The following OGT variants were observed in gnomAD, a reference collection of about 807,000 sequenced individuals.
OGT encodes O-linked N-acetylglucosamine (GlcNAc) transferase.
OGT carries 3 observed loss-of-function variants against 75.8 expected under a neutral mutation model. That is an observed-to-expected ratio of 0.04 (90% CI 0.02 to 0.10). OGT has a LOEUF of 0.10. Ranked by LOEUF, OGT falls within the 10% of genes least tolerant of loss-of-function variation. The pLI is 1.00. For missense variants in OGT, 260 were observed against 824.4 expected (o/e 0.32, Z 8.38); for synonymous variants, 257 against 289.7 (o/e 0.89, Z 1.15).
chrX:71,533,669 C>T (rs780434117), intron 1 of OGT, among the ~76,000 whole-genome samples: 1 of 111,348 alleles, frequency 9.0e-6, no homozygotes, highest in South Asian at 3.8e-4. Context: ...GGAATCCCTG[C>T]CCTTTCACTC....
At chrX:71,572,304 GA>G (rs1216872818) in intron 21 of OGT, among the ~76,000 whole-genome samples, 2 of 111,976 alleles carry the variant, frequency 1.8e-5, no homozygotes, top group Non-Finnish European at 3.8e-5. Context: ...TTCTTTTGCT[GA>G]GTAGTATTTC....
chrX:71,533,138 A>T lies in OGT; in HGVS notation c.-162A>T. 1 of 489,755 alleles carries T rather than the reference A, an allele frequency of 2.0e-6. No individual in the cohort carries two copies. The highest frequency in any genetic ancestry group is 3.6e-6 in the Non-Finnish European group (1 of 279,230). The allele number at this position is 489,755 out of a possible 1,213,427, so 40.4% of individuals were successfully genotyped here. A position where few individuals can be genotyped will look rare whatever the true frequency, so the allele number is the denominator to read the frequency against. The stretch of plus-strand genomic sequence containing the variant: ...CCGTACTAGGTAGATGGTCAATTAG[A>T]GTTCCCAGGGTTTGAAGCCTGTAAC... On this transcript the variant is annotated 5_prime_UTR_variant, in exon 1 of 22. Transcript: ENST00000373719.
chrX:71,533,379 T>C, intron 1 of OGT, 43 bp downstream of exon 1: 1 of 1,106,667 alleles, frequency 9.0e-7, no homozygotes, highest in African/African-American at 1.8e-5. Flanking sequence ...CCCCTTGGGG[T>C]CTCGCGCCGT....
intron 19 of OGT, among the ~76,000 whole-genome samples, chrX:71,566,459 C>T (rs1189716905): frequency 8.9e-6 from 1 of 111,858 alleles, no homozygotes. Flanking sequence ...TGTCCTTCTT[C>T]GCGTGATGGC....
intron 15 of OGT, 26 bp downstream of exon 15, chrX:71,561,926 A>G (rs983767784): frequency 6.0e-6 from 7 of 1,159,983 alleles, no homozygotes; most frequent in Admixed American, 5.1e-5. Flanking sequence ...GTCATCACTT[A>G]TAACATGTAT....
intron 5 of OGT, among the ~76,000 whole-genome samples, chrX:71,552,080 G>C (rs1171584413): frequency 9.2e-6 from 1 of 108,553 alleles, no homozygotes; most frequent in African/African-American, 3.3e-5. Context: ...AGCTGGGTGC[G>C]GTGCGGTGGC....
chrX:71,552,602 C>T (rs1324792479), intron 5 of OGT, among the ~76,000 whole-genome samples: 1 of 110,231 alleles, frequency 9.1e-6, no homozygotes, highest in African/African-American at 3.3e-5. Flanking sequence ...GTTCCCAGGT[C>T]TTGAACTCCT....
chrX:71,535,530 G>A (rs1181905506), intron 1 of OGT, among the ~76,000 whole-genome samples: 2 of 112,023 alleles, frequency 1.8e-5, no homozygotes, highest in Admixed American at 9.5e-5. Context: ...CAAACATCTT[G>A]TTTATCAGCT....
In OGT at chrX:71,556,670, CT is replaced by C. The variant is rs767550162; in HGVS notation, c.1066-9del. On this transcript the variant is annotated splice_polypyrimidine_tract_variant and intron_variant, in intron 8 of 21. Transcript: ENST00000373719. ...TTTTTAACCTCAGTTCTGATCTTGA[CT>C]CTTTATAGGTCTTCCCAGAGTTTGC... 6.2e-6 allele frequency: 7 copies of C among 1,125,732 alleles called. No homozygotes were observed. In the East Asian group the frequency reaches 2.2e-4, roughly 35 times the overall value. The allele number at this position is 1,125,732 out of a possible 1,213,427, so 92.8% of individuals were successfully genotyped here. A position where few individuals can be genotyped will look rare whatever the true frequency, so the allele number is the denominator to read the frequency against.
At chrX:71,536,106 A>AT (rs2040173795) in intron 1 of OGT, 72 bp from the exon 2 acceptor site, 3 of 946,567 alleles carry the variant, frequency 3.2e-6, no homozygotes, top group South Asian at 2.6e-5. Flanking sequence ...ATATTTTTAC[A>AT]TTTTTTTGGT....
rs975517458 is a variant in OGT at position 71,559,532 on chromosome X, T to C, written c.1762-56T>C. 3.9e-5 allele frequency: 45 copies of C among 1,160,371 alleles called. 1 individual carries two copies. In the Middle Eastern group the frequency reaches 3.3e-3, roughly 85 times the overall value. On this transcript the variant is annotated intron_variant, in intron 13 of 21. Transcript: ENST00000373719. ...GAAACCTAGTGTCTTTTGGAAAGATTTGAGCCAGAAAGATTTGAGCCAATG... is the reference window on the plus strand; with the variant it reads ...GAAACCTAGTGTCTTTTGGAAAGATCTGAGCCAGAAAGATTTGAGCCAATG...
At chrX:71,552,119 G>A (rs1434174066) in intron 5 of OGT, among the ~76,000 whole-genome samples, 2 of 109,291 alleles carry the variant, frequency 1.8e-5, no homozygotes, top group Non-Finnish European at 3.8e-5. Context: ...CTACTTAGGA[G>A]GCTGAGGCAG....
intron 1 of OGT, among the ~76,000 whole-genome samples, chrX:71,533,759 C>A (rs915126727): frequency 3.7e-5 from 4 of 109,446 alleles, no homozygotes; most frequent in African/African-American, 1.0e-4. Flanking sequence ...TCTCCCCCCC[C>A]AGTCTTTTCC....
chrX:71,572,494 G>A (rs1045718047), intron 21 of OGT, among the ~76,000 whole-genome samples: 7 of 112,620 alleles, frequency 6.2e-5, no homozygotes, highest in African/African-American at 2.3e-4. Flanking sequence ...AAAGTTGGGC[G>A]TGGTGGCGCA....
At chrX:71,564,865 A>C in intron 19 of OGT, 112 bp downstream of exon 19, 1 of 634,875 alleles carries the variant, frequency 1.6e-6, no homozygotes, top group South Asian at 3.6e-5. Flanking sequence ...TCTTTTTAAA[A>C]TTTTTTTTTG....
Position 71,559,692 on chromosome X carries a change from C to T in OGT, c.1851+15C>T. ...ATCTTTCTCAGGTAGATGAAACTCT[C>T]ATACTTTAACTTTTTATTTTGAGCA... On this transcript the variant is annotated intron_variant, in intron 14 of 21. Coordinates refer to ENST00000373719, the MANE Select transcript of OGT (RefSeq NM_181672.3). 8.9e-7 allele frequency: 1 copy of T among 1,129,912 alleles called. No homozygotes were observed. The highest frequency in any genetic ancestry group is 1.8e-5 in the African/African-American group (1 of 56,002). The allele number at this position is 1,129,912 out of a possible 1,213,427, so 93.1% of individuals were successfully genotyped here. A position where few individuals can be genotyped will look rare whatever the true frequency, so the allele number is the denominator to read the frequency against.
At chrX:71,538,315 A>C (rs1312414751) in intron 3 of OGT, among the ~76,000 whole-genome samples, 1 of 112,773 alleles carries the variant, frequency 8.9e-6, no homozygotes, top group East Asian at 2.7e-4. Flanking sequence ...ATCAATTTTA[A>C]AATAACACGT....
chrX:71,543,766 G>GTGTGTA (rs1454042815), intron 3 of OGT, among the ~76,000 whole-genome samples: 4 of 78,311 alleles, frequency 5.1e-5, no homozygotes, highest in Admixed American at 3.1e-4. Context: ...GTGTGTGTGT[G>GTGTGTA]TATATATATA....
At chrX:71,564,774 G>C in intron 19 of OGT, 21 bp downstream of exon 19, 1 of 1,135,554 alleles carries the variant, frequency 8.8e-7, no homozygotes, top group Non-Finnish European at 1.2e-6. Context: ...AAGTATGTTA[G>C]AGACTAATAA....
Sources: allele counts gnomAD v4.1 joint callset (sites outside exome capture counted in the v4.1 genomes callset), GRCh38; gene constraint gnomAD v4.1.1; transcripts MANE v1.5; gene names NCBI Gene and HGNC (gene_info 2026-07-23, HGNC 2026-07-21).